OPCML: variants seen among roughly 807,000 people sequenced by gnomAD.
OPCML encodes the protein opioid-binding protein/cell adhesion molecule.
In OPCML, 13 loss-of-function variants were observed where a neutral mutation model predicts 37.8. The observed-to-expected ratio is 0.34, with a 90% CI of 0.22 to 0.55. The LOEUF (loss-of-function observed/expected upper bound fraction) is 0.55. Among genes scored for constraint, OPCML ranks in the 20% least tolerant of loss-of-function variants. The pLI is 0.91. For missense variants in OPCML, 341 were observed against 435.6 expected (o/e 0.78, Z 1.93); for synonymous variants, 176 against 168.8 (o/e 1.04, Z -0.33).
intron 1 of OPCML, among the ~76,000 whole-genome samples, chr11:133,453,253 C>G (rs1198120753): frequency 2.0e-5 from 3 of 152,104 alleles, no homozygotes; most frequent in African/African-American, 7.2e-5. Context: ...TAGGTGGTAA[C>G]TGAATTGAAA....
chr11:132,505,403 A>G (rs759306574), intron 4 of OPCML, among the ~76,000 whole-genome samples: 19 of 152,328 alleles, frequency 1.2e-4, no homozygotes, highest in Non-Finnish European at 2.6e-4. Context: ...TATGTGCACC[A>G]TATCACAATA....
chr11:132,961,613 A>G (rs1303763498), intron 1 of OPCML, among the ~76,000 whole-genome samples: 1 of 152,184 alleles, frequency 6.6e-6, no homozygotes, highest in Non-Finnish European at 1.5e-5. Context: ...GGGCCGGGCT[A>G]AGCAACTGAA....
chr11:132,878,136 C>G (rs1292075110), intron 2 of OPCML, among the ~76,000 whole-genome samples: 1 of 151,504 alleles, frequency 6.6e-6, no homozygotes, highest in African/African-American at 2.4e-5. Context: ...GAGCAGAGAT[C>G]GCACTACTGT....
intron 1 of OPCML, among the ~76,000 whole-genome samples, chr11:133,076,097 A>G (rs931295254): frequency 1.3e-5 from 2 of 152,160 alleles, no homozygotes; most frequent in African/African-American, 2.4e-5. Flanking sequence ...TATTTTTTAT[A>G]TAAACATATA....
At chr11:133,461,046 A>T (rs746371600) in intron 1 of OPCML, among the ~76,000 whole-genome samples, 1 of 151,860 alleles carries the variant, frequency 6.6e-6, no homozygotes, top group Non-Finnish European at 1.5e-5. Flanking sequence ...TTATTTCATG[A>T]TGAAAACACT....
At chr11:132,458,703 G>A (rs766984375) in intron 4 of OPCML, among the ~76,000 whole-genome samples, 13 of 152,074 alleles carry the variant, frequency 8.5e-5, no homozygotes, top group African/African-American at 2.9e-4. Context: ...TACCTATTAC[G>A]ATGAAAAATA....
intron 1 of OPCML, among the ~76,000 whole-genome samples, chr11:133,075,414 A>T (rs1484698235): frequency 6.6e-6 from 1 of 152,196 alleles, no homozygotes; most frequent in Non-Finnish European, 1.5e-5. Flanking sequence ...GAATCTCTGC[A>T]TTCTTCTGAC....
chr11:132,548,615 C>T (rs940665645), intron 3 of OPCML, among the ~76,000 whole-genome samples: 1 of 152,174 alleles, frequency 6.6e-6, no homozygotes, highest in Non-Finnish European at 1.5e-5. Flanking sequence ...ATAAGCTCTC[C>T]TCTACCCCAT....
chr11:133,501,974 C>T (rs1015761224), intron 1 of OPCML, among the ~76,000 whole-genome samples: 1 of 152,124 alleles, frequency 6.6e-6, no homozygotes, highest in Non-Finnish European at 1.5e-5. Context: ...GCCCCTTCCA[C>T]GACCGCTGCT....
rs377044578 is a variant in OPCML, at chr11:132,959,946, G to A, written c.62-16936C>T. Among the ~76,000 whole-genome samples the A allele has an allele frequency of 2.6e-5, 4 of 152,072 alleles. No individual in the cohort carries two copies. The East Asian group carries it at 5.8e-4, about 22-fold the overall frequency. Reference sequence around the variant, plus strand: ...CACCGTCCAAAACACTCACTGTTACGGGGCAAAACTCCAACCTTCCATTAA... The same window carrying A: ...CACCGTCCAAAACACTCACTGTTACAGGGCAAAACTCCAACCTTCCATTAA... On this transcript the variant is annotated intron_variant, in intron 1 of 7. Transcript: ENST00000524381.
At chr11:132,472,426 G>C (rs1181865320) in intron 4 of OPCML, among the ~76,000 whole-genome samples, 3 of 152,142 alleles carry the variant, frequency 2.0e-5, no homozygotes, top group Non-Finnish European at 1.5e-5. Context: ...AAAAGCCTAC[G>C]GAAGGCTCAT....
At chr11:132,451,196 G>C (rs983573989) in intron 4 of OPCML, among the ~76,000 whole-genome samples, 1 of 152,176 alleles carries the variant, frequency 6.6e-6, no homozygotes, top group Admixed American at 6.5e-5. Context: ...GAAGAGAAGA[G>C]ACCATTTCCA....
At chr11:133,111,007 A>G (rs1406138898) in intron 1 of OPCML, among the ~76,000 whole-genome samples, 1 of 152,208 alleles carries the variant, frequency 6.6e-6, no homozygotes. Flanking sequence ...ATGGTTTTTG[A>G]TGAGAAAAAC....
chr11:133,011,071 C>T (rs1352835113), intron 1 of OPCML, among the ~76,000 whole-genome samples: 8 of 152,208 alleles, frequency 5.3e-5, no homozygotes, highest in South Asian at 4.2e-4. Context: ...CAAGCAAGCC[C>T]GGCAAGAGTT....
At chr11:133,130,715 G>A (rs941857102) in intron 1 of OPCML, among the ~76,000 whole-genome samples, 5 of 152,186 alleles carry the variant, frequency 3.3e-5, no homozygotes, top group African/African-American at 9.6e-5. Context: ...GATCCAGACA[G>A]TGTGTTATTA....
intron 2 of OPCML, among the ~76,000 whole-genome samples, chr11:132,688,482 G>A (rs1035634316): frequency 6.6e-6 from 1 of 152,122 alleles, no homozygotes; most frequent in Non-Finnish European, 1.5e-5. Flanking sequence ...ATTGGATGTG[G>A]TGGTTGCCAA....
chr11:132,913,655 G>A (rs1007674411), intron 2 of OPCML, among the ~76,000 whole-genome samples: 2 of 152,108 alleles, frequency 1.3e-5, no homozygotes, highest in African/African-American at 2.4e-5. Context: ...AGCTCAACCC[G>A]CACTGCCTTG....
chr11:133,238,826 G>A (rs1940621259), intron 1 of OPCML, among the ~76,000 whole-genome samples: 1 of 152,216 alleles, frequency 6.6e-6, no homozygotes, highest in South Asian at 2.1e-4. Flanking sequence ...CTTTGAAGAT[G>A]AAATGCGCTA....
At chr11:132,847,638 C>G (rs372982701) in intron 2 of OPCML, among the ~76,000 whole-genome samples, 2 of 152,214 alleles carry the variant, frequency 1.3e-5, no homozygotes, top group Non-Finnish European at 2.9e-5. Context: ...GTTTCTCACT[C>G]TCTTTCAGGA....
Sources: gnomAD v4.1 joint callset for allele counts (sites outside exome capture counted in the v4.1 genomes callset) on GRCh38, gnomAD v4.1.1 for gene constraint, MANE v1.5 for transcripts, NCBI Gene and HGNC (gene_info 2026-07-23, HGNC 2026-07-21) for gene names.